SNAPC3: variants seen among roughly 807,000 people sequenced by gnomAD.
SNAPC3 encodes small nuclear RNA activating complex polypeptide 3.
A neutral mutation model predicts 47.7 loss-of-function variants in SNAPC3; 56 were observed. The ratio of observed to expected loss-of-function variants is 1.18; its 90% confidence interval spans 0.95 to 1.47. SNAPC3 has a LOEUF of 1.47. Ranked by LOEUF, SNAPC3 falls within the 40% of genes most tolerant of loss-of-function variation. The pLI is 0.00. For synonymous variants in SNAPC3, 235 were observed against 189.9 expected (o/e 1.24, Z -1.95); for missense variants, 665 against 511.3 (o/e 1.30, Z -2.90).
chr9:15,465,977 A>G (rs1361567978), downstream of SNAPC3: 2 of 161,716 alleles, frequency 1.2e-5, no homozygotes, highest in African/African-American at 2.4e-5. Flanking sequence ...ATTTCCCTCA[A>G]TTTCAGAATT....
intron 3 of SNAPC3, among the ~76,000 whole-genome samples, chr9:15,441,924 T>C (rs10962037): frequency 1 from 151,824 of 152,206 alleles, 75,721 homozygotes; most frequent in East Asian, 1. Context: ...CTCCCAGACG[T>C]GGTGGCGGCC....
At chr9:15,430,705 T>C (rs956247142) in intron 2 of SNAPC3, among the ~76,000 whole-genome samples, 2 of 152,160 alleles carry the variant, frequency 1.3e-5, no homozygotes, top group African/African-American at 4.8e-5. Context: ...TGCAAAATAT[T>C]TGAAATACCT....
At position 15,449,534 on chromosome 9, in the gene SNAPC3, AT is replaced by A. The variant is rs1257648049; in HGVS notation, c.733-1784del. 5.8e-4 allele frequency among the ~76,000 whole-genome samples: 47 copies of A among 80,618 alleles called. 1 individual carries two copies. The highest frequency in any genetic ancestry group is 3.0e-3 in the East Asian group (9 of 3,032). The allele number at this position is 80,618 out of a possible 152,430, so 52.9% of individuals were successfully genotyped here. On this transcript the variant is annotated intron_variant, in intron 5 of 8. Coordinates refer to ENST00000380821, the MANE Select transcript of SNAPC3 (RefSeq NM_001039697.2). ...TATTGTTTCTGTCTCTTCTATTATT[AT>A]TATATATATATATATATATATATAT... is the stretch of plus-strand genomic sequence containing the variant.
At chr9:15,451,922 G>A (rs935057999) in intron 6 of SNAPC3, among the ~76,000 whole-genome samples, 1 of 151,848 alleles carries the variant, frequency 6.6e-6, no homozygotes, top group Non-Finnish European at 1.5e-5. Flanking sequence ...CATTATCAAT[G>A]TCTTAACAAT....
chr9:15,450,705 C>G (rs929711164), intron 5 of SNAPC3, among the ~76,000 whole-genome samples: 4 of 152,102 alleles, frequency 2.6e-5, no homozygotes, highest in African/African-American at 7.2e-5. Context: ...CCCAAAGATT[C>G]TTAATTAATG....
chr9:15,439,409 G>T (rs1296650310), intron 3 of SNAPC3, among the ~76,000 whole-genome samples: 1 of 152,010 alleles, frequency 6.6e-6, no homozygotes, highest in Non-Finnish European at 1.5e-5. Flanking sequence ...GTTTTTAGAG[G>T]TGGGTCTTGC....
intron 2 of SNAPC3, 132 bp from the exon 3 acceptor site, chr9:15,433,420 A>C: frequency 1.5e-6 from 1 of 673,482 alleles, no homozygotes; most frequent in East Asian, 2.6e-5. Context: ...AAGAGATAGA[A>C]GGGAACTTTT....
At position 15,433,341 on chromosome 9, in the gene SNAPC3, G is replaced by A. The variant is rs367941884; in HGVS notation, c.393-211G>A. ...AAAGGCGTATAGCTAATAATATTGT[G>A]TAAGAATTTATTTCCTGTTCTTAAT... On this transcript the variant is annotated intron_variant, in intron 2 of 8. Coordinates refer to ENST00000380821, the MANE Select transcript of SNAPC3 (RefSeq NM_001039697.2). 3.9e-5 allele frequency among the ~76,000 whole-genome samples: 6 copies of A among 151,988 alleles called. No homozygotes were observed. In the East Asian group the frequency reaches 9.7e-4, roughly 24 times the overall value.
chr9:15,452,030 C>G (rs1289820708), intron 6 of SNAPC3, among the ~76,000 whole-genome samples: 1 of 152,118 alleles, frequency 6.6e-6, no homozygotes, highest in Non-Finnish European at 1.5e-5. Flanking sequence ...GTGGCACGAT[C>G]TCAGCTCACT....
chr9:15,423,152 C>T lies in SNAPC3; in HGVS notation c.273C>T (p.Asp91=). ...ATGCCGCGGTGGCCAGGGATCTGGACTGCAGCCTGGAGGCGGCGGCTGAGC... is the reference window on the plus strand; with the variant it reads ...ATGCCGCGGTGGCCAGGGATCTGGATTGCAGCCTGGAGGCGGCGGCTGAGC... The part of the protein sequence containing the change: ...REDAAVARDL[D]CSLEAAAELR... The change falls in exon 1 of 9, where the codon GAC becomes GAT. Residue 91 remains aspartate, a synonymous_variant. Transcript: ENST00000380821. 1 of 1,575,174 alleles carries T rather than the reference C, an allele frequency of 6.3e-7. No homozygotes were observed. Among genetic ancestry groups the T allele is most frequent in the Non-Finnish European group, 8.5e-7 (1 of 1,169,600 alleles).
At chr9:15,465,787 A>C, downstream of SNAPC3, 1 of 497,156 alleles carries the variant, frequency 2.0e-6, no homozygotes, top group Non-Finnish European at 3.5e-6. Flanking sequence ...TCTTCTTCCC[A>C]AAGTAATATG....
At chr9:15,426,333 A>C (rs1238432441) in intron 2 of SNAPC3, among the ~76,000 whole-genome samples, 2 of 147,602 alleles carry the variant, frequency 1.4e-5, no homozygotes, top group Non-Finnish European at 3.0e-5. Flanking sequence ...AGGACTACGG[A>C]CTCCATTTAG....
downstream of SNAPC3, chr9:15,463,452 A>C (rs1211901395): frequency 7.5e-6 from 1 of 133,338 alleles, no homozygotes; most frequent in Admixed American, 8.6e-5. Flanking sequence ...ATACCAGCCC[A>C]AAAGAGGTGT....
In SNAPC3 at chr9:15,439,182, T is replaced by C. The variant is rs561567340; in HGVS notation, c.478-5420T>C. ...GCGCCACTATGCTGAGTTAAGTTTT[T>C]GTATTTTTTGTAGAGATGGCGTTTT... On this transcript the variant is annotated intron_variant, in intron 3 of 8. Coordinates refer to ENST00000380821, the MANE Select transcript of SNAPC3 (RefSeq NM_001039697.2). 3.0e-4 allele frequency among the ~76,000 whole-genome samples: 45 copies of C among 152,324 alleles called. No homozygotes were observed. The South Asian group carries it at 8.7e-3, about 29-fold the overall frequency.
At chr9:15,429,585 T>C (rs569417833) in intron 2 of SNAPC3, among the ~76,000 whole-genome samples, 9 of 151,932 alleles carry the variant, frequency 5.9e-5, no homozygotes, top group Non-Finnish European at 1.2e-4. Context: ...AATAAGAAAA[T>C]GGGTAACTCT....
At chr9:15,425,820 A>G (rs746851307) in intron 2 of SNAPC3, among the ~76,000 whole-genome samples, 1 of 152,152 alleles carries the variant, frequency 6.6e-6, no homozygotes, top group Non-Finnish European at 1.5e-5. Context: ...CTGAGTCTGT[A>G]GTGGCTCACA....
intron 3 of SNAPC3, among the ~76,000 whole-genome samples, chr9:15,441,805 A>C (rs1356074490): frequency 1.3e-5 from 2 of 152,212 alleles, no homozygotes; most frequent in Non-Finnish European, 2.9e-5. Context: ...TTCTACACAG[A>C]CACAGCAACA....
chr9:15,447,020 G>C, intron 4 of SNAPC3, 75 bp from the exon 5 acceptor site: 5 of 1,237,542 alleles, frequency 4.0e-6, no homozygotes, highest in Non-Finnish European at 3.5e-6. Flanking sequence ...ATTTAATTTT[G>C]ATCTAGTCAT....
Position 15,451,381 on chromosome 9 carries a change from C to A in SNAPC3, c.794C>A (p.Pro265Gln), listed in dbSNP as rs148038928. Residue 265 changes from proline to glutamine, a missense_variant, in exon 6 of 9, where the codon CCA becomes CAA. Pro to Gln is a moderately conservative substitution (Grantham distance 76, BLOSUM62 -1). Coordinates refer to ENST00000380821, the MANE Select transcript of SNAPC3 (RefSeq NM_001039697.2). The stretch of plus-strand genomic sequence containing the variant: ...ACATTTTATAATGATAAAAGATACC[C>A]AGAATGCAGAGATTTGAGCAGGTAT... ...EGTFYNDKRY[P>Q]ECRDLSRTII... is the part of the protein sequence containing the mutation. 46 of 1,541,686 alleles carry A rather than the reference C, an allele frequency of 3.0e-5. No individual in the cohort carries two copies. Among genetic ancestry groups the A allele is most frequent in the Non-Finnish European group, 3.8e-5 (43 of 1,125,902 alleles).
Sources: gnomAD v4.1 joint callset for allele counts (sites outside exome capture counted in the v4.1 genomes callset) on GRCh38, gnomAD v4.1.1 for gene constraint, MANE v1.5 for transcripts, NCBI Gene and HGNC (gene_info 2026-07-23, HGNC 2026-07-21) for gene names.